Variants in MSRA observed in about 807,000 individuals in gnomAD.
MSRA encodes the protein mitochondrial peptide methionine sulfoxide reductase.
In MSRA, 54 loss-of-function variants were observed where a neutral mutation model predicts 31.3. That is an observed-to-expected ratio of 1.73 (90% CI 1.39 to 2.17). The LOEUF is 2.17. MSRA is among the 30% of genes most tolerant of loss of function. The probability of loss-of-function intolerance (pLI) is 0.00; values close to 1 mark genes in which losing one functional copy is unlikely to be tolerated. For synonymous variants in MSRA, 169 were observed against 116.5 expected (o/e 1.45, Z -2.90); for missense variants, 507 against 300.9 (o/e 1.69, Z -5.07).
intron 1 of MSRA, among the ~76,000 whole-genome samples, chr8:10,063,446 C>T (rs1041745995): frequency 5.9e-5 from 9 of 152,050 alleles, no homozygotes; most frequent in African/African-American, 1.9e-4. Context: ...CTCAGTGTTT[C>T]AGATCTCCAC....
At chr8:10,383,959 C>T (rs1806230043) in intron 5 of MSRA, among the ~76,000 whole-genome samples, 2 of 152,154 alleles carry the variant, frequency 1.3e-5, no homozygotes, top group African/African-American at 2.4e-5. Context: ...CCCAGGGGCT[C>T]AGAGGGTGAG....
intron 1 of MSRA, among the ~76,000 whole-genome samples, chr8:10,141,338 C>A (rs1057231401): frequency 6.6e-6 from 1 of 152,172 alleles, no homozygotes; most frequent in African/African-American, 2.4e-5. Context: ...AGAAAAGTTT[C>A]CATGACTTGT....
At chr8:10,392,558 T>G (rs1457001549) in intron 5 of MSRA, among the ~76,000 whole-genome samples, 1 of 152,116 alleles carries the variant, frequency 6.6e-6, no homozygotes, top group East Asian at 1.9e-4. Context: ...CTTTGTGTTG[T>G]CAGGAAATGT....
intron 1 of MSRA, among the ~76,000 whole-genome samples, chr8:10,167,327 C>G (rs565170585): frequency 3.6e-4 from 55 of 152,124 alleles, no homozygotes; most frequent in Non-Finnish European, 7.1e-4. Context: ...CACATGGAAA[C>G]CAATCACATA....
intron 1 of MSRA, among the ~76,000 whole-genome samples, chr8:10,133,541 A>G (rs1802050376): frequency 1.3e-5 from 2 of 152,160 alleles, no homozygotes; most frequent in Admixed American, 1.3e-4. Context: ...TAGGGTTTAA[A>G]TCTGGGCTTT....
intron 3 of MSRA, among the ~76,000 whole-genome samples, chr8:10,256,004 C>A (rs968829098): frequency 6.6e-6 from 1 of 152,078 alleles, no homozygotes; most frequent in Non-Finnish European, 1.5e-5. Flanking sequence ...TCCTCAGCAG[C>A]CATAGTTTGC....
At chr8:10,419,664 GTA>G (rs1808693918) in intron 5 of MSRA, among the ~76,000 whole-genome samples, 1 of 152,212 alleles carries the variant, frequency 6.6e-6, no homozygotes, top group Non-Finnish European at 1.5e-5. Flanking sequence ...GGCACTCTGA[GTA>G]TGTCTCCTGT....
intron 3 of MSRA, among the ~76,000 whole-genome samples, chr8:10,288,473 A>G (rs1039421099): frequency 2.6e-5 from 4 of 152,194 alleles, no homozygotes; most frequent in Non-Finnish European, 5.9e-5. Flanking sequence ...AGTCGATTAT[A>G]AAGTTCTTAA....
chr8:10,390,066 C>T (rs1329319736), intron 5 of MSRA, among the ~76,000 whole-genome samples: 1 of 152,222 alleles, frequency 6.6e-6, no homozygotes, highest in Non-Finnish European at 1.5e-5. Context: ...GCCCTGCCTT[C>T]TGCAGGTGCA....
Position 10,234,942 on chromosome 8 carries a change from A to G in MSRA, c.212-10162A>G, listed in dbSNP as rs185090918. Among the ~76,000 whole-genome samples the G allele has an allele frequency of 1.4e-4, 21 of 152,228 alleles. No individual in the cohort carries two copies. In the East Asian group the frequency reaches 2.5e-3, roughly 18 times the overall value. On this transcript the variant is annotated intron_variant, in intron 2 of 5. Transcript: ENST00000317173. ...GTGTAAAAGAAAAACTGACAGAACT[A>G]AAAGAGAAATCAAAAAATTCACAAT...
chr8:10,210,357 C>T (rs1050938646), intron 2 of MSRA, among the ~76,000 whole-genome samples: 1 of 152,194 alleles, frequency 6.6e-6, no homozygotes, highest in Non-Finnish European at 1.5e-5. Context: ...TCTCTCTGCA[C>T]TGGTTCAAGG....
intron 1 of MSRA, among the ~76,000 whole-genome samples, chr8:10,124,483 C>T (rs916872002): frequency 1.3e-5 from 2 of 152,168 alleles, no homozygotes; most frequent in Non-Finnish European, 1.5e-5. Flanking sequence ...GTCTGCTATC[C>T]GTGTGACTCT....
chr8:10,072,464 T>C (rs1797782482), intron 1 of MSRA, among the ~76,000 whole-genome samples: 1 of 152,202 alleles, frequency 6.6e-6, no homozygotes. Context: ...CGTTGATCTA[T>C]GGGTCTCCCT....
intron 3 of MSRA, among the ~76,000 whole-genome samples, chr8:10,255,657 C>G (rs537553407): frequency 1.3e-5 from 2 of 151,612 alleles, no homozygotes; most frequent in African/African-American, 4.9e-5. Context: ...AAGGCGTGTT[C>G]GGTTGCGTTT....
At chr8:10,260,719 G>A (rs1347980473) in intron 3 of MSRA, among the ~76,000 whole-genome samples, 1 of 152,068 alleles carries the variant, frequency 6.6e-6, no homozygotes, top group Non-Finnish European at 1.5e-5. Context: ...AAGCAAACGA[G>A]ATTAATAAGG....
intron 1 of MSRA, among the ~76,000 whole-genome samples, chr8:10,092,451 G>T (rs1798904275): frequency 6.6e-6 from 1 of 152,154 alleles, no homozygotes; most frequent in South Asian, 2.1e-4. Flanking sequence ...GAGGTCAAGA[G>T]ATCGAGACCA....
intron 5 of MSRA, among the ~76,000 whole-genome samples, chr8:10,371,714 T>C (rs549397702): frequency 1.3e-5 from 2 of 152,264 alleles, no homozygotes; most frequent in African/African-American, 4.8e-5. Flanking sequence ...CTGCCTTCTT[T>C]GTGGTCGGTG....
chr8:10,175,268 A>G (rs951369150), intron 1 of MSRA, among the ~76,000 whole-genome samples: 1 of 152,160 alleles, frequency 6.6e-6, no homozygotes, highest in Non-Finnish European at 1.5e-5. Context: ...CTTCCTCTAG[A>G]ATCGATAATC....
At chr8:10,397,796 C>G (rs1807191955) in intron 5 of MSRA, among the ~76,000 whole-genome samples, 1 of 152,192 alleles carries the variant, frequency 6.6e-6, no homozygotes, top group South Asian at 2.1e-4. Flanking sequence ...CTTTGAAGAA[C>G]ATTCTGTTTT....
Sources: allele counts gnomAD v4.1 joint callset (sites outside exome capture counted in the v4.1 genomes callset), GRCh38; gene constraint gnomAD v4.1.1; transcripts MANE v1.5; gene names NCBI Gene and HGNC (gene_info 2026-07-23, HGNC 2026-07-21).